The following CACNA1C variants were observed in gnomAD, a reference collection of about 807,000 sequenced individuals.
CACNA1C encodes the protein calcium voltage-gated channel subunit alpha1 C.
Under a neutral mutation model 229.0 loss-of-function variants are expected in CACNA1C, and 30 were observed. That is an observed-to-expected ratio of 0.13 (90% CI 0.10 to 0.18). The LOEUF (loss-of-function observed/expected upper bound fraction) is 0.18. CACNA1C is among the 10% of genes least tolerant of loss of function. The probability of loss-of-function intolerance (pLI) is 1.00; values close to 1 mark genes in which losing one functional copy is unlikely to be tolerated. For synonymous variants in CACNA1C, 1,114 were observed against 1,132.5 expected (o/e 0.98, Z 0.33); for missense variants, 1,658 against 2,845.0 (o/e 0.58, Z 9.49).
At chr12:2,003,419 AATGG>A (rs1315816834) in intron 1 of CACNA1C, among the ~76,000 whole-genome samples, 1 of 152,232 alleles carries the variant, frequency 6.6e-6, no homozygotes, top group Admixed American at 6.5e-5. Flanking sequence ...TGTGATACAT[AATGG>A]ATGATGAATA....
chr12:2,518,636 A>G (rs1341151935), intron 9 of CACNA1C, among the ~76,000 whole-genome samples: 1 of 152,100 alleles, frequency 6.6e-6, no homozygotes, highest in East Asian at 1.9e-4. Flanking sequence ...CAGTACGATC[A>G]GTATTTATCT....
intron 8 of CACNA1C, among the ~76,000 whole-genome samples, chr12:2,507,857 C>G (rs182879930): frequency 2.2e-4 from 34 of 152,374 alleles, no homozygotes; most frequent in African/African-American, 7.9e-4. Context: ...GTGGTGTACT[C>G]TCCCCAAACC....
chr12:2,249,935 A>G (rs1175375347), intron 3 of CACNA1C, among the ~76,000 whole-genome samples: 1 of 151,976 alleles, frequency 6.6e-6, no homozygotes, highest in Non-Finnish European at 1.5e-5. Context: ...CAGTCTCTCG[A>G]GTAGCTGAGA....
At chr12:2,316,769 C>T (rs541400765) in intron 3 of CACNA1C, among the ~76,000 whole-genome samples, 104 of 152,276 alleles carry the variant, frequency 6.8e-4, no homozygotes, top group Non-Finnish European at 1.2e-3. Context: ...TGGCAGCCTG[C>T]GTGACTGTGC....
In CACNA1C at chr12:2,351,178, G is replaced by A. The variant is rs150745669; in HGVS notation, c.478-97798G>A. On this transcript the variant is annotated intron_variant, in intron 3 of 46. Coordinates refer to ENST00000399655, the MANE Select transcript of CACNA1C (RefSeq NM_000719.7). The stretch of plus-strand genomic sequence containing the variant: ...CCTGTGCATGGTAGGATGTTTAGCA[G>A]TATCCCTGGCCTCTACCCACTGGGT... 1.6e-3 allele frequency among the ~76,000 whole-genome samples: 248 copies of A among 152,326 alleles called. 3 individuals carry two copies. Among genetic ancestry groups the A allele is most frequent in the African/African-American group, 5.8e-3 (240 of 41,560 alleles).
intron 3 of CACNA1C, among the ~76,000 whole-genome samples, chr12:2,259,315 T>C (rs2079152086): frequency 2.0e-5 from 3 of 152,228 alleles, no homozygotes; most frequent in Admixed American, 6.5e-5. Context: ...AGTTTGAGAC[T>C]GGTTAGCTTA....
intron 1 of CACNA1C, among the ~76,000 whole-genome samples, chr12:1,973,185 T>C (rs2033090274): frequency 6.6e-6 from 1 of 152,220 alleles, no homozygotes; most frequent in African/African-American, 2.4e-5. Context: ...AGCACTGTTA[T>C]CTTTGGCCCC....
intron 3 of CACNA1C, among the ~76,000 whole-genome samples, chr12:2,349,179 A>C (rs957962954): frequency 6.6e-6 from 1 of 152,208 alleles, no homozygotes; most frequent in African/African-American, 2.4e-5. Context: ...CTCTAATAGC[A>C]TGTTCCCATG....
intron 29 of CACNA1C, among the ~76,000 whole-genome samples, chr12:2,618,432 A>G (rs940088848): frequency 6.6e-6 from 1 of 152,208 alleles, no homozygotes; most frequent in Non-Finnish European, 1.5e-5. Flanking sequence ...CAGCCACAGG[A>G]GAAGAGAGTG....
At chr12:2,634,642 A>T (rs1217939863) in intron 30 of CACNA1C, among the ~76,000 whole-genome samples, 1 of 150,826 alleles carries the variant, frequency 6.6e-6, no homozygotes, top group East Asian at 2.0e-4. Context: ...TCTCCCATAC[A>T]ATCAGCCTGG....
At chr12:2,550,419 G>T (rs1322615990) in intron 10 of CACNA1C, 39 of 746,080 alleles carry the variant, frequency 5.2e-5, no homozygotes, top group Non-Finnish European at 7.2e-5. Flanking sequence ...TTAGGGCCCT[G>T]AGTCCTGCTG....
chr12:2,185,957 T>C (rs1451912902), intron 3 of CACNA1C, among the ~76,000 whole-genome samples: 3 of 151,400 alleles, frequency 2.0e-5, no homozygotes, highest in Non-Finnish European at 4.4e-5. Flanking sequence ...TGCACACTTG[T>C]AGCCTGATTG....
At chr12:2,105,024 C>T (rs537707485) in intron 1 of CACNA1C, among the ~76,000 whole-genome samples, 2 of 152,324 alleles carry the variant, frequency 1.3e-5, no homozygotes, top group East Asian at 3.9e-4. Context: ...GTCCTCTCAC[C>T]GAAGCAGTGT....
At chr12:2,572,692 TC>T (rs2056422978) in intron 13 of CACNA1C, among the ~76,000 whole-genome samples, 1 of 51,242 alleles carries the variant, frequency 2.0e-5, no homozygotes, top group Non-Finnish European at 3.9e-5. Context: ...CTTCTCTTCC[TC>T]CTTCTCCTCT....
rs2094726918 is a variant in CACNA1C at position 2,649,676 on chromosome 12, T to TAAGAGCCCAGGGCAGGACAGGGCTGC, written c.3945+1169_3945+1170insAAGAGCCCAGGGCAGGACAGGGCTGC. Among the ~76,000 whole-genome samples the TAAGAGCCCAGGGCAGGACAGGGCTGC allele has an allele frequency of 7.1e-6, 1 of 140,548 alleles. No homozygotes were observed. Among genetic ancestry groups the TAAGAGCCCAGGGCAGGACAGGGCTGC allele is most frequent in the Admixed American group, 6.9e-5 (1 of 14,566 alleles). The allele number at this position is 140,548 out of a possible 152,430, so 92.2% of individuals were successfully genotyped here. On this transcript the variant is annotated intron_variant, in intron 31 of 46. Transcript: ENST00000399655. The surrounding 1 kb of genome is among the most constrained non-coding windows in gnomAD (Gnocchi z 4.4). ...GCTGCAAGCTTGGTGTTTGGCGTTT[T>TAAGAGCCCAGGGCAGGACAGGGCTGC]TTGGGTTTTTTTGTTTGTTTATTTT... is the stretch of plus-strand genomic sequence containing the variant.
At chr12:2,002,256 C>T (rs2042346651) in intron 1 of CACNA1C, among the ~76,000 whole-genome samples, 1 of 152,190 alleles carries the variant, frequency 6.6e-6, no homozygotes, top group Non-Finnish European at 1.5e-5. Flanking sequence ...ACAATGTTCT[C>T]ATATTCTTAT....
intron 7 of CACNA1C, among the ~76,000 whole-genome samples, chr12:2,500,815 G>A (rs563228244): frequency 5.9e-5 from 9 of 152,234 alleles, no homozygotes; most frequent in Middle Eastern, 3.4e-3. Context: ...GCGTGCCCTC[G>A]AGGCTGTCTG....
chr12:2,097,635 T>C (rs771247872), intron 1 of CACNA1C, among the ~76,000 whole-genome samples: 10 of 152,204 alleles, frequency 6.6e-5, no homozygotes, highest in Non-Finnish European at 1.3e-4. Flanking sequence ...AGGATTTCCA[T>C]GTAAATTACA....
chr12:2,673,835 G>A (rs916599535), intron 38 of CACNA1C, among the ~76,000 whole-genome samples: 2 of 152,174 alleles, frequency 1.3e-5, no homozygotes, highest in African/African-American at 4.8e-5. Context: ...CATAGGTGCC[G>A]TGTGCCATAT....
Sources: gnomAD v4.1 joint callset for allele counts (sites outside exome capture counted in the v4.1 genomes callset) on GRCh38, gnomAD v4.1.1 for gene constraint, Gnocchi (gnomAD v3.1) non-coding constraint, MANE v1.5 for transcripts, NCBI Gene and HGNC (gene_info 2026-07-23, HGNC 2026-07-21) for gene names.